MAD1L1: variants seen among roughly 807,000 people sequenced by gnomAD.
MAD1L1 encodes mitotic spindle assembly checkpoint protein MAD1.
MAD1L1 carries 95 observed loss-of-function variants against 96.9 expected under a neutral mutation model. That is an observed-to-expected ratio of 0.98 (90% CI 0.83 to 1.16). MAD1L1 has a LOEUF of 1.16. Among genes scored for constraint, MAD1L1 ranks in the 50% most tolerant of loss-of-function variants. MAD1L1 has a pLI of 0.00. For missense variants in MAD1L1, 1,007 were observed against 954.4 expected, an observed-to-expected ratio of 1.06 and a Z score of -0.73; for synonymous variants, 473 against 396.6, an observed-to-expected ratio of 1.19 and a Z score of -2.29.
chr7:2,141,505 C>G (rs1789029908), intron 11 of MAD1L1, among the ~76,000 whole-genome samples: 1 of 152,220 alleles, frequency 6.6e-6, no homozygotes, highest in Non-Finnish European at 1.5e-5. Flanking sequence ...GTCTATGTCC[C>G]CCAACCCGGG....
intron 13 of MAD1L1, among the ~76,000 whole-genome samples, chr7:2,004,125 A>G (rs1445316659): frequency 6.6e-6 from 1 of 152,072 alleles, no homozygotes; most frequent in Non-Finnish European, 1.5e-5. Flanking sequence ...CTCCTCACGC[A>G]GCCCTACACC....
intron 10 of MAD1L1, among the ~76,000 whole-genome samples, chr7:2,164,602 G>T (rs201507669): frequency 0.25 from 35,234 of 142,258 alleles, 6,307 homozygotes; most frequent in Middle Eastern, 0.33. Context: ...ATGGGGGGGG[G>T]GGGGGTTGCG....
intron 18 of MAD1L1, among the ~76,000 whole-genome samples, chr7:1,819,444 C>T (rs879287987): frequency 2.0e-5 from 3 of 152,154 alleles, no homozygotes; most frequent in East Asian, 1.9e-4. Context: ...GCACTCTAGT[C>T]CAGACCCTCG....
intron 17 of MAD1L1, among the ~76,000 whole-genome samples, chr7:1,918,299 G>A (rs919512539): frequency 6.6e-6 from 1 of 152,134 alleles, no homozygotes; most frequent in East Asian, 1.9e-4. Flanking sequence ...CTCAGCCCCA[G>A]CGCAGTCCCC....
At chr7:1,882,409 T>C (rs1043751879) in intron 18 of MAD1L1, among the ~76,000 whole-genome samples, 1 of 152,160 alleles carries the variant, frequency 6.6e-6, no homozygotes, top group South Asian at 2.1e-4. Context: ...TAGACCTCAT[T>C]GCTCCAGCGG....
chr7:1,931,129 A>G (rs1462175162), intron 17 of MAD1L1, among the ~76,000 whole-genome samples: 1 of 105,500 alleles, frequency 9.5e-6, no homozygotes, highest in Non-Finnish European at 2.0e-5. Context: ...GGGTCTGCTG[A>G]TGCTGTGGGA....
chr7:2,069,191 C>G lies in MAD1L1; in HGVS notation c.1218+3G>C. 3 of 1,586,736 alleles carry G rather than the reference C, an allele frequency of 1.9e-6. No individual in the cohort carries two copies. Among genetic ancestry groups the G allele is most frequent in the Non-Finnish European group, 2.6e-6 (3 of 1,167,352 alleles). On this transcript the variant is annotated splice_donor_region_variant and intron_variant, in intron 12 of 18. Coordinates refer to ENST00000265854, the MANE Select transcript of MAD1L1 (RefSeq NM_001013836.2). ...CTGATCAAGATGTAAGGGCATACATCACCTTGGTGAGCAGCAGGACCCGTT... is the reference window on the plus strand; with the variant it reads ...CTGATCAAGATGTAAGGGCATACATGACCTTGGTGAGCAGCAGGACCCGTT...
intron 12 of MAD1L1, among the ~76,000 whole-genome samples, chr7:2,030,043 C>T (rs530751845): frequency 6.6e-6 from 1 of 152,204 alleles, no homozygotes; most frequent in South Asian, 2.1e-4. Flanking sequence ...ACACCGGGCT[C>T]ACCACATTCA....
intron 12 of MAD1L1, among the ~76,000 whole-genome samples, chr7:2,052,173 G>A (rs895591940): frequency 6.6e-6 from 1 of 152,146 alleles, no homozygotes; most frequent in Non-Finnish European, 1.5e-5. Context: ...GGTGACCACG[G>A]ACAAGGGCAG....
At chr7:2,202,795 C>A (rs777556899) in intron 10 of MAD1L1, among the ~76,000 whole-genome samples, 1 of 152,244 alleles carries the variant, frequency 6.6e-6, no homozygotes, top group Non-Finnish European at 1.5e-5. Context: ...ACTGTCCAGG[C>A]TGGTCAATTA....
chr7:2,190,658 C>A (rs904609590), intron 10 of MAD1L1, among the ~76,000 whole-genome samples: 3 of 152,126 alleles, frequency 2.0e-5, no homozygotes, highest in African/African-American at 7.2e-5. Context: ...AAAGACACTT[C>A]ACAAAAGAAG....
At position 1,936,600 on chromosome 7, in the gene MAD1L1, G is replaced by A. The variant is rs922988902; in HGVS notation, c.1807+87C>T. On this transcript the variant is annotated intron_variant, in intron 17 of 18. Coordinates refer to ENST00000265854, the MANE Select transcript of MAD1L1 (RefSeq NM_001013836.2). The stretch of plus-strand genomic sequence containing the variant: ...AAACCCTCTGGGGATGACAGGCAGG[G>A]GCGCCTGAGGCTGCCCCAAAGGCGC... 4.5e-6 allele frequency: 6 copies of A among 1,335,774 alleles called. No individual in the cohort carries two copies. In the South Asian group the frequency reaches 8.3e-5, roughly 18 times the overall value. The allele number at this position is 1,335,774 out of a possible 1,614,324, so 82.7% of individuals were successfully genotyped here.
intron 12 of MAD1L1, among the ~76,000 whole-genome samples, chr7:2,063,015 T>A (rs1337941004): frequency 1.3e-5 from 2 of 152,152 alleles, no homozygotes; most frequent in Non-Finnish European, 2.9e-5. Context: ...TGTTTAAAGA[T>A]ATACACACAA....
In MAD1L1 at chr7:2,045,686, G is replaced by A. The variant is rs902649995; in HGVS notation, c.1218+23508C>T. On this transcript the variant is annotated intron_variant, in intron 12 of 18. Transcript: ENST00000265854. The stretch of plus-strand genomic sequence containing the variant: ...AGTCGCTTAGTGGGATTTGGAGGCC[G>A]TGGAGCAAAGTGAAAAGTCTAACAG... 5.9e-5 allele frequency among the ~76,000 whole-genome samples: 9 copies of A among 151,940 alleles called. 1 individual carries two copies. Among genetic ancestry groups the A allele is most frequent in the South Asian group, 4.2e-4 (2 of 4,812 alleles).
chr7:1,949,865 C>T (rs1583890588), intron 16 of MAD1L1, among the ~76,000 whole-genome samples: 1 of 152,216 alleles, frequency 6.6e-6, no homozygotes, highest in African/African-American at 2.4e-5. Context: ...GAGGAGGCCC[C>T]GGGCCTCCAA....
intron 11 of MAD1L1, among the ~76,000 whole-genome samples, chr7:2,134,254 A>C (rs1788650122): frequency 6.6e-6 from 1 of 152,124 alleles, no homozygotes; most frequent in Non-Finnish European, 1.5e-5. Flanking sequence ...TTTTGGTGCT[A>C]ATGTAAATAG....
chr7:1,989,658 C>T (rs1175020607), intron 14 of MAD1L1, among the ~76,000 whole-genome samples: 3 of 152,154 alleles, frequency 2.0e-5, no homozygotes, highest in Non-Finnish European at 2.9e-5. Flanking sequence ...CCAGCCCCAG[C>T]GTGGACCAGC....
rs561426036 is a variant in MAD1L1, at chr7:1,893,928, G to A, written c.1998+4272C>T. On this transcript the variant is annotated intron_variant, in intron 18 of 18. Transcript: ENST00000265854. ...CATCTGCAGGCAGAGGTGCCAACAT[G>A]AGCCCTGGCCCTACAGGTTGGCTGT... 2.6e-5 allele frequency among the ~76,000 whole-genome samples: 4 copies of A among 152,342 alleles called. No homozygotes were observed. In the East Asian group the frequency reaches 5.8e-4, roughly 22 times the overall value.
rs553153290 is a variant in MAD1L1 at position 1,858,511 on chromosome 7, G to A, written c.1998+39689C>T. On this transcript the variant is annotated intron_variant, in intron 18 of 18. Transcript: ENST00000265854. ...GCTCCCATGTGGTGCCCCCACCTCT[G>A]CACACCTGAGGGACAGGCGTCCTGG... 1.3e-4 allele frequency among the ~76,000 whole-genome samples: 20 copies of A among 152,334 alleles called. No individual in the cohort carries two copies. The South Asian group carries it at 4.1e-3, about 32-fold the overall frequency.
Sources: gnomAD v4.1 joint callset for allele counts (sites outside exome capture counted in the v4.1 genomes callset) on GRCh38, gnomAD v4.1.1 for gene constraint, MANE v1.5 for transcripts, NCBI Gene and HGNC (gene_info 2026-07-23, HGNC 2026-07-21) for gene names.